PDE7B: variants seen among roughly 807,000 people sequenced by gnomAD.
The protein encoded by PDE7B is phosphodiesterase 7B.
PDE7B carries 29 observed loss-of-function variants against 56.2 expected under a neutral mutation model. The ratio of observed to expected loss-of-function variants is 0.52; its 90% CI spans 0.38 to 0.70. The LOEUF is 0.70. Ranked by LOEUF, PDE7B falls within the 30% of genes least tolerant of loss-of-function variation. The pLI, the probability that PDE7B is intolerant of heterozygous loss-of-function variation, is 0.00. For missense variants in PDE7B, 490 were observed against 565.0 expected, an observed-to-expected ratio of 0.87 and a Z score of 1.35; for synonymous variants, 197 against 196.9, an observed-to-expected ratio of 1.00 and a Z score of 0.00.
At chr6:136,175,570 T>G (rs1778963979) in intron 9 of PDE7B, among the ~76,000 whole-genome samples, 1 of 152,204 alleles carries the variant, frequency 6.6e-6, no homozygotes, top group Non-Finnish European at 1.5e-5. Flanking sequence ...CAAACTTATT[T>G]TAACAAAATA....
At chr6:135,921,254 G>T (rs984143763) in intron 1 of PDE7B, among the ~76,000 whole-genome samples, 1 of 152,044 alleles carries the variant, frequency 6.6e-6, no homozygotes, top group African/African-American at 2.4e-5. Flanking sequence ...AGATGACAAG[G>T]GTTATCTTGA....
At chr6:136,015,856 T>C (rs1436684211) in intron 2 of PDE7B, among the ~76,000 whole-genome samples, 2 of 152,148 alleles carry the variant, frequency 1.3e-5, no homozygotes, top group East Asian at 3.9e-4. Context: ...CAAGCCTCAG[T>C]ATGTATTATG....
chr6:135,995,508 G>T (rs1035693242), intron 2 of PDE7B, among the ~76,000 whole-genome samples: 1 of 152,148 alleles, frequency 6.6e-6, no homozygotes, highest in Admixed American at 6.5e-5. Context: ...GTCGATTCAG[G>T]GGTAACAGCA....
chr6:136,109,729 GCAAACC>G (rs1777711543), intron 3 of PDE7B, among the ~76,000 whole-genome samples: 2 of 152,054 alleles, frequency 1.3e-5, no homozygotes, highest in Admixed American at 1.3e-4. Context: ...AGGTTTCTTT[GCAAACC>G]CAAACCAGTG....
chr6:136,157,867 G>T (rs890117969), intron 8 of PDE7B, among the ~76,000 whole-genome samples: 2 of 152,204 alleles, frequency 1.3e-5, no homozygotes, highest in African/African-American at 4.8e-5. Context: ...ACTGAAAATG[G>T]AATGTCCGGT....
At chr6:135,952,226 T>C (rs1774714510) in intron 2 of PDE7B, among the ~76,000 whole-genome samples, 1 of 152,158 alleles carries the variant, frequency 6.6e-6, no homozygotes, top group South Asian at 2.1e-4. Context: ...ATTGAAAATG[T>C]AAAAATTGAT....
chr6:135,984,983 G>A (rs988280756), intron 2 of PDE7B, among the ~76,000 whole-genome samples: 2 of 152,098 alleles, frequency 1.3e-5, no homozygotes, highest in Admixed American at 6.6e-5. Context: ...ACATGGGAGA[G>A]AGAATGGGAA....
rs889254842 is a variant in PDE7B, at chr6:136,192,852, C to T, written c.*1012C>T. 4 of 152,446 alleles carry T rather than the reference C, an allele frequency of 2.6e-5. No homozygotes were observed. Among genetic ancestry groups the T allele is most frequent in the African/African-American group, 9.6e-5 (4 of 41,456 alleles). 9.4% of individuals were successfully genotyped at this position (152,446 alleles called of 1,614,324 possible). On this transcript the variant is annotated 3_prime_UTR_variant, in exon 13 of 13. Transcript: ENST00000308191. ...CTGAAAGCTGCCCAACTTAAATCCT[C>T]ATAGATGTCTTTCTCAACTGCCTTC...
At chr6:136,143,842 G>T (rs1391908470) in intron 3 of PDE7B, among the ~76,000 whole-genome samples, 2 of 151,852 alleles carry the variant, frequency 1.3e-5, no homozygotes, top group Admixed American at 6.6e-5. Context: ...TACACTACTT[G>T]GAAAACTAAA....
At chr6:136,041,620 C>A (rs1173755012) in intron 2 of PDE7B, among the ~76,000 whole-genome samples, 1 of 152,200 alleles carries the variant, frequency 6.6e-6, no homozygotes. Context: ...GGAGTGCCCC[C>A]AAAGCTGGGC....
chr6:135,959,163 T>C (rs1013165422), intron 2 of PDE7B, among the ~76,000 whole-genome samples: 5 of 152,138 alleles, frequency 3.3e-5, no homozygotes, highest in Non-Finnish European at 7.4e-5. Flanking sequence ...GAAGACATCA[T>C]TCTAAACAAG....
intron 1 of PDE7B, among the ~76,000 whole-genome samples, chr6:135,903,339 T>C (rs1200577056): frequency 1.3e-5 from 2 of 152,218 alleles, no homozygotes; most frequent in African/African-American, 4.8e-5. Flanking sequence ...GCACAGCTGG[T>C]AAGGCTTGGT....
intron 8 of PDE7B, among the ~76,000 whole-genome samples, chr6:136,157,874 C>T (rs548684896): frequency 6.6e-6 from 1 of 152,138 alleles, no homozygotes; most frequent in Non-Finnish European, 1.5e-5. Context: ...ATGGAATGTC[C>T]GGTGGCCTTT....
intron 9 of PDE7B, among the ~76,000 whole-genome samples, chr6:136,177,538 G>A (rs558772700): frequency 4.6e-5 from 7 of 152,238 alleles, no homozygotes; most frequent in African/African-American, 1.4e-4. Flanking sequence ...ATAAAGACAT[G>A]AAAATATGTC....
intron 2 of PDE7B, among the ~76,000 whole-genome samples, chr6:136,054,687 G>A (rs750295126): frequency 6.6e-6 from 1 of 152,178 alleles, no homozygotes; most frequent in Non-Finnish European, 1.5e-5. Flanking sequence ...CTACCCATGA[G>A]CATGGAATGT....
intron 2 of PDE7B, among the ~76,000 whole-genome samples, chr6:136,028,235 A>C (rs1258250143): frequency 1.3e-5 from 2 of 152,232 alleles, no homozygotes; most frequent in Non-Finnish European, 2.9e-5. Context: ...AGAGCATCAA[A>C]GGCAAGTAGT....
intron 1 of PDE7B, among the ~76,000 whole-genome samples, chr6:135,902,712 T>A (rs547628692): frequency 3.3e-5 from 5 of 152,320 alleles, no homozygotes; most frequent in African/African-American, 1.2e-4. Context: ...CTTGGAAGTA[T>A]TTTAAAGGAC....
chr6:136,104,810 A>G (rs1777621881), intron 2 of PDE7B, among the ~76,000 whole-genome samples: 1 of 152,182 alleles, frequency 6.6e-6, no homozygotes, highest in East Asian at 1.9e-4. Context: ...TCCTTTTGAA[A>G]ATGATTATTT....
intron 2 of PDE7B, among the ~76,000 whole-genome samples, chr6:136,000,997 C>T (rs1264138784): frequency 1.3e-5 from 2 of 152,184 alleles, no homozygotes; most frequent in South Asian, 2.1e-4. Flanking sequence ...TCCTCTGAGA[C>T]AAAACTTCCA....
Sources: gnomAD v4.1 joint callset for allele counts (sites outside exome capture counted in the v4.1 genomes callset) on GRCh38, gnomAD v4.1.1 for gene constraint, MANE v1.5 for transcripts, NCBI Gene and HGNC (gene_info 2026-07-23, HGNC 2026-07-21) for gene names.